The following CBLC variants were observed in gnomAD, a reference collection of about 807,000 sequenced individuals.
The protein encoded by CBLC is Cbl proto-oncogene C.
Under a neutral mutation model 58.6 loss-of-function variants are expected in CBLC, and 46 were observed. That is an observed-to-expected ratio of 0.79 (90% CI 0.62 to 1.00). The LOEUF is 1.00. Among genes scored for constraint, CBLC ranks in the 50% least tolerant of loss-of-function variants. The pLI is 0.00. For synonymous variants in CBLC, 271 were observed against 264.2 expected (o/e 1.03, Z -0.25); for missense variants, 655 against 625.8 (o/e 1.05, Z -0.50).
intron 5 of CBLC, among the ~76,000 whole-genome samples, chr19:44,788,539 G>C (rs1967969675): frequency 6.7e-6 from 1 of 149,830 alleles, no homozygotes. Context: ...GAGTGCAGTG[G>C]TGCGATATCC....
At position 44,780,897 on chromosome 19, in the gene CBLC, C is replaced by T. The variant is rs780832639; in HGVS notation, c.354-8C>T. The T allele has an allele frequency of 5.6e-6, 9 of 1,610,264 alleles. No individual in the cohort carries two copies. The highest frequency in any genetic ancestry group is 1.3e-5 in the African/African-American group (1 of 74,934). On this transcript the variant is annotated splice_polypyrimidine_tract_variant and splice_region_variant and intron_variant, in intron 1 of 10. Transcript: ENST00000647358. ...AAGGATAGCCAGAGTCCTTGCCCAT[C>T]CCCACAGGCGACAGCTGGCCAAGCT...
At chr19:44,779,789 G>A (rs2122381231) in intron 1 of CBLC, among the ~76,000 whole-genome samples, 1 of 152,166 alleles carries the variant, frequency 6.6e-6, no homozygotes, top group African/African-American at 2.4e-5. Context: ...CTGGCCTCAT[G>A]CGATCTTCGT....
At chr19:44,781,630 A>G (rs1599858601) in intron 3 of CBLC, among the ~76,000 whole-genome samples, 1 of 91,312 alleles carries the variant, frequency 1.1e-5, no homozygotes, top group Non-Finnish European at 2.1e-5. Context: ...GGTCTGAGGG[A>G]GGAGGGGCCG....
In CBLC at chr19:44,782,524, G is replaced by A. The variant is rs376748601; in HGVS notation, c.779+33G>A. On this transcript the variant is annotated intron_variant, in intron 4 of 10. Coordinates refer to ENST00000647358, the MANE Select transcript of CBLC (RefSeq NM_012116.4). ...GTCCAGGGCTCAGCAGAACAAGGCT[G>A]CAGGGCTCAGGGATCTGGGCTCTGG... is the stretch of plus-strand genomic sequence containing the variant. 3.1e-5 allele frequency: 49 copies of A among 1,582,580 alleles called. No homozygotes were observed. The East Asian group carries it at 8.1e-4, about 26-fold the overall frequency.
intron 7 of CBLC, among the ~76,000 whole-genome samples, chr19:44,793,147 GT>G: frequency 6.6e-6 from 1 of 152,102 alleles, no homozygotes; most frequent in South Asian, 2.1e-4. Flanking sequence ...GCGAGACTCC[GT>G]TTTTTTAAAA....
intron 9 of CBLC, among the ~76,000 whole-genome samples, chr19:44,795,627 C>T (rs757372925): frequency 2.0e-5 from 3 of 151,914 alleles, no homozygotes; most frequent in African/African-American, 7.3e-5. Context: ...AGCGGAACCC[C>T]GTTCTCTAAA....
chr19:44,777,880 G>A (rs2122360251), upstream of CBLC: 2 of 1,439,508 alleles, frequency 1.4e-6, no homozygotes, highest in Middle Eastern at 2.0e-4. Context: ...CTCTGGGCGA[G>A]GCCGCCCCTA....
intron 1 of CBLC, 41 bp downstream of exon 1, chr19:44,778,325 C>T: frequency 1.5e-6 from 2 of 1,377,950 alleles, no homozygotes; most frequent in South Asian, 1.7e-5. Context: ...GGGGTGAGGC[C>T]CAGGTCTTGC....
chr19:44,784,182 C>G (rs770887968), intron 4 of CBLC, 82 bp from the exon 5 acceptor site: 4 of 1,343,598 alleles, frequency 3.0e-6, no homozygotes, highest in Non-Finnish European at 4.0e-6. Flanking sequence ...CCTGGATTCC[C>G]AACAGGCCAG....
In CBLC at chr19:44,788,641, G is replaced by A. The variant is rs1207297189; in HGVS notation, c.918-1363G>A. 2.0e-5 allele frequency among the ~76,000 whole-genome samples: 3 copies of A among 151,860 alleles called. No individual in the cohort carries two copies. The East Asian group carries it at 5.8e-4, about 29-fold the overall frequency. ...ATTACAGACACGCACCTCCATGCCT[G>A]GCTAATTATTATTGTATTTATTTAT... On this transcript the variant is annotated intron_variant, in intron 5 of 10. Coordinates refer to ENST00000647358, the MANE Select transcript of CBLC (RefSeq NM_012116.4).
chr19:44,800,091 CACT>C (rs1315680019), intron 9 of CBLC, among the ~76,000 whole-genome samples: 2 of 152,304 alleles, frequency 1.3e-5, no homozygotes, highest in East Asian at 1.9e-4. Context: ...TGGCCGCCAC[CACT>C]GTGTCACCCC....
chr19:44,784,964 T>TTG, intron 5 of CBLC, among the ~76,000 whole-genome samples: 1 of 108,716 alleles, frequency 9.2e-6, no homozygotes, highest in East Asian at 2.4e-4. Context: ...TTTTTTTTTT[T>TTG]TTTTTTTTTT....
chr19:44,793,373 C>G, intron 7 of CBLC, 101 bp from the exon 8 acceptor site: 1 of 1,293,902 alleles, frequency 7.7e-7, no homozygotes, highest in Admixed American at 2.8e-5. Flanking sequence ...CTCTGTCTGT[C>G]TTCCCCACAT....
intron 7 of CBLC, among the ~76,000 whole-genome samples, chr19:44,793,107 G>A (rs112450640): frequency 0.011 from 1,740 of 152,234 alleles, 16 homozygotes; most frequent in Non-Finnish European, 0.019. Flanking sequence ...AGCAGAGATC[G>A]TGCCGCTGCA....
intron 3 of CBLC, among the ~76,000 whole-genome samples, chr19:44,781,684 G>T (rs1967745594): frequency 7.3e-6 from 1 of 137,462 alleles, no homozygotes; most frequent in Non-Finnish European, 1.6e-5. Flanking sequence ...CCTGGGGCCT[G>T]GACTCCTGGG....
Position 44,788,500 on chromosome 19 carries a change from G to A in CBLC, c.918-1504G>A, listed in dbSNP as rs181354342. Among the ~76,000 whole-genome samples the A allele has an allele frequency of 5.5e-4, 73 of 133,166 alleles. No homozygotes were observed. In the East Asian group the frequency reaches 0.014, roughly 26 times the overall value. The allele number at this position is 133,166 out of a possible 152,430, so 87.4% of individuals were successfully genotyped here. A position where few individuals can be genotyped will look rare whatever the true frequency, so the allele number is the denominator to read the frequency against. On this transcript the variant is annotated intron_variant, in intron 5 of 10. Transcript: ENST00000647358. ...ATTTCTTTTTTTTTTTTTTTTTTGAGACAGAGTCTTGCTGTGTTGCCCAGG... is the reference window on the plus strand; with the variant it reads ...ATTTCTTTTTTTTTTTTTTTTTTGAAACAGAGTCTTGCTGTGTTGCCCAGG...
chr19:44,782,630 A>T, intron 4 of CBLC, 139 bp downstream of exon 4: 3 of 667,922 alleles, frequency 4.5e-6, no homozygotes, highest in Non-Finnish European at 7.6e-6. Context: ...GATAACTCAG[A>T]GGCAGGACAC....
rs186343149 is a variant in CBLC at position 44,798,450 on chromosome 19, G to C, written c.1363-1931G>C. 7.5e-3 allele frequency among the ~76,000 whole-genome samples: 1,142 copies of C among 151,946 alleles called. 17 individuals are homozygous for C. Among genetic ancestry groups the C allele is most frequent in the African/African-American group, 0.026 (1,083 of 41,462 alleles). ...GGCAGCCAAGCGCGGTGGCTCACAC[G>C]TGTAATCTCAGCACTTTGGGAGGCC... is the stretch of plus-strand genomic sequence containing the variant. On this transcript the variant is annotated intron_variant, in intron 9 of 10. Transcript: ENST00000647358.
chr19:44,786,596 GA>G (rs955474882), intron 5 of CBLC, among the ~76,000 whole-genome samples: 126 of 120,042 alleles, frequency 1.0e-3, no homozygotes, highest in East Asian at 1.2e-3. Context: ...CTCCGTCTCA[GA>G]AAAAAAAAAA....
Sources: gnomAD v4.1 joint callset for allele counts (sites outside exome capture counted in the v4.1 genomes callset) on GRCh38, gnomAD v4.1.1 for gene constraint, MANE v1.5 for transcripts, NCBI Gene and HGNC (gene_info 2026-07-23, HGNC 2026-07-21) for gene names.